MLLT3: variants seen among roughly 807,000 people sequenced by gnomAD.
MLLT3 encodes the protein MLLT3 super elongation complex subunit.
MLLT3 carries 4 observed loss-of-function variants against 53.2 expected under a neutral mutation model. That is an observed-to-expected ratio of 0.08 (90% confidence interval 0.04 to 0.17). MLLT3 has a LOEUF of 0.17. Ranked by LOEUF, MLLT3 falls within the 10% of genes least tolerant of loss-of-function variation. The pLI, the probability that MLLT3 is intolerant of heterozygous loss-of-function variation, is 1.00. For synonymous variants in MLLT3, 283 were observed against 230.6 expected (o/e 1.23, Z -2.06); for missense variants, 569 against 684.0 (o/e 0.83, Z 1.87).
chr9:20,516,107 G>C (rs1817909765), intron 2 of MLLT3, among the ~76,000 whole-genome samples: 1 of 152,188 alleles, frequency 6.6e-6, no homozygotes, highest in African/African-American at 2.4e-5. Context: ...CCAGGAGTCT[G>C]TGACTATGAA....
chr9:20,346,532 T>A lies in MLLT3; in HGVS notation c.1618A>T (p.Asn540Tyr). 6.2e-7 allele frequency: 1 copy of A among 1,613,808 alleles called. No homozygotes were observed. Among genetic ancestry groups the A allele is most frequent in the Non-Finnish European group, 8.5e-7 (1 of 1,179,772 alleles). Residue 540 changes from asparagine (N) to tyrosine (Y), a missense_variant, in exon 11 of 11, where the codon AAC (asparagine) becomes TAC (tyrosine). This residue lies in a region of MLLT3 where 45 missense variants were observed against 85.5 expected (regional missense o/e 0.53). Coordinates refer to ENST00000380338, the MANE Select transcript of MLLT3 (RefSeq NM_004529.4). ...IEETGHFHIT[N>Y]TTFDFDLCSL... Reference sequence around the variant, plus strand: ...CAAAGATCAAAATCAAATGTTGTGTTTGTGATATGAAAGTGTCCAGTTTCT... The same window carrying A: ...CAAAGATCAAAATCAAATGTTGTGTATGTGATATGAAAGTGTCCAGTTTCT...
chr9:20,551,529 T>G (rs1206392346), intron 2 of MLLT3, among the ~76,000 whole-genome samples: 1 of 152,194 alleles, frequency 6.6e-6, no homozygotes, highest in Non-Finnish European at 1.5e-5. Flanking sequence ...TTCTGATTGG[T>G]CATGAATGTA....
At chr9:20,588,696 T>C (rs952938060) in intron 2 of MLLT3, among the ~76,000 whole-genome samples, 1 of 152,192 alleles carries the variant, frequency 6.6e-6, no homozygotes, top group African/African-American at 2.4e-5. Context: ...TGATTTTGTA[T>C]CCTGAGACTT....
rs368013669 is a variant in MLLT3 at position 20,605,803 on chromosome 9, A to G, written c.193+14851T>C. ...AACATACTTTCTGATTATGAGTCCT[A>G]TATCATCATTTTATACCATCTTAAG... On this transcript the variant is annotated intron_variant, in intron 2 of 10. Transcript: ENST00000380338. Among the ~76,000 whole-genome samples, 4 of 152,240 alleles carry G rather than the reference A, an allele frequency of 2.6e-5. 1 individual carries two copies. The highest frequency in any genetic ancestry group is 7.2e-5 in the African/African-American group (3 of 41,574).
intron 2 of MLLT3, among the ~76,000 whole-genome samples, chr9:20,515,324 C>T (rs1456698976): frequency 6.6e-6 from 1 of 152,146 alleles, no homozygotes; most frequent in Non-Finnish European, 1.5e-5. Flanking sequence ...CCAGGGCATT[C>T]AGTGCTGAGG....
rs1820076892 is a variant in MLLT3 at position 20,589,698 on chromosome 9, T to C, written c.193+30956A>G. Among the ~76,000 whole-genome samples the C allele has an allele frequency of 1.3e-5, 2 of 149,468 alleles. 1 individual carries two copies. The highest frequency in any genetic ancestry group is 4.2e-4 in the South Asian group (2 of 4,710). On this transcript the variant is annotated intron_variant, in intron 2 of 10. Transcript: ENST00000380338. ...ATGATGGCAATAGTATCCCAGCCCA[T>C]GGTTTTAATCGGTGATTTTTTTTTT...
intron 5 of MLLT3, among the ~76,000 whole-genome samples, chr9:20,375,244 G>A (rs923947263): frequency 9.9e-5 from 15 of 152,262 alleles, no homozygotes; most frequent in African/African-American, 3.1e-4. Flanking sequence ...TTAAGTGACC[G>A]GGGGTAATAT....
At chr9:20,449,847 G>T (rs80283780) in intron 3 of MLLT3, among the ~76,000 whole-genome samples, 3,549 of 152,134 alleles carry the variant, frequency 0.023, 143 homozygotes, top group African/African-American at 0.08. Flanking sequence ...TCTTCTTCAA[G>T]GACTTTCTTC....
chr9:20,357,736 G>C (rs1316271027), intron 8 of MLLT3, among the ~76,000 whole-genome samples: 2 of 152,058 alleles, frequency 1.3e-5, no homozygotes, highest in Non-Finnish European at 2.9e-5. Context: ...CTAGTCCCTG[G>C]AAGATTTGAG....
At chr9:20,364,037 C>A (rs1370436332) in intron 6 of MLLT3, among the ~76,000 whole-genome samples, 1 of 152,176 alleles carries the variant, frequency 6.6e-6, no homozygotes, top group African/African-American at 2.4e-5. Context: ...TAAGGTTTAG[C>A]TGTTCCTTTT....
chr9:20,573,917 T>C (rs1819592378), intron 2 of MLLT3, among the ~76,000 whole-genome samples: 1 of 152,204 alleles, frequency 6.6e-6, no homozygotes, highest in Admixed American at 6.6e-5. Context: ...AAAATAAAAT[T>C]CTGTTGCATT....
intron 2 of MLLT3, among the ~76,000 whole-genome samples, chr9:20,582,812 C>G (rs903490248): frequency 1.3e-5 from 2 of 152,178 alleles, no homozygotes; most frequent in Non-Finnish European, 2.9e-5. Context: ...TTACTTCCCC[C>G]TGGGTCCCTC....
intron 2 of MLLT3, among the ~76,000 whole-genome samples, chr9:20,619,531 C>T (rs188311627): frequency 9.9e-5 from 15 of 152,268 alleles, no homozygotes; most frequent in African/African-American, 3.4e-4. Context: ...CTCTAAGAAA[C>T]GACAGGAGTT....
chr9:20,602,557 T>C (rs1820452968), intron 2 of MLLT3, among the ~76,000 whole-genome samples: 1 of 152,094 alleles, frequency 6.6e-6, no homozygotes, highest in Admixed American at 6.6e-5. Flanking sequence ...ACCTAACCCA[T>C]ATAGTACACG....
At chr9:20,415,290 T>A (rs1386940060) in intron 4 of MLLT3, 1 of 175,356 alleles carries the variant, frequency 5.7e-6, no homozygotes, top group Non-Finnish European at 1.1e-5. Flanking sequence ...CTTTAGCAAT[T>A]ACTGTATTTT....
Position 20,345,115 on chromosome 9 carries a change from T to A in MLLT3, c.*1328A>T. 1 of 222,456 alleles carries A rather than the reference T, an allele frequency of 4.5e-6. No homozygotes were observed. The highest frequency in any genetic ancestry group is 1.8e-4 in the South Asian group (1 of 5,418). The allele number at this position is 222,456 out of a possible 1,614,324, so 13.8% of individuals were successfully genotyped here. A position where few individuals can be genotyped will look rare whatever the true frequency, so the allele number is the denominator to read the frequency against. ...TTCTTTTGCATGCCACAGGACAGAT[T>A]TCTAGTTTCAAAACAAGGGTACAAC... On this transcript the variant is annotated 3_prime_UTR_variant, in exon 11 of 11. Coordinates refer to ENST00000380338, the MANE Select transcript of MLLT3 (RefSeq NM_004529.4).
chr9:20,421,021 T>C (rs1822995109), intron 4 of MLLT3, among the ~76,000 whole-genome samples: 1 of 152,146 alleles, frequency 6.6e-6, no homozygotes, highest in Non-Finnish European at 1.5e-5. Flanking sequence ...CCCAGCACTT[T>C]GGGAGGCTGA....
At chr9:20,406,960 C>T (rs905370374) in intron 5 of MLLT3, among the ~76,000 whole-genome samples, 1 of 152,186 alleles carries the variant, frequency 6.6e-6, no homozygotes, top group Non-Finnish European at 1.5e-5. Flanking sequence ...ACACTGCTTG[C>T]AAAGTTTACA....
At chr9:20,481,177 A>T (rs922761261) in intron 2 of MLLT3, among the ~76,000 whole-genome samples, 3 of 152,168 alleles carry the variant, frequency 2.0e-5, no homozygotes, top group Non-Finnish European at 2.9e-5. Context: ...TCCCTGATGA[A>T]TTGTCTCAGA....
Sources: allele counts gnomAD v4.1 joint callset (sites outside exome capture counted in the v4.1 genomes callset), GRCh38; gene constraint gnomAD v4.1.1; regional missense constraint gnomAD v4.1.1; transcripts MANE v1.5; gene names NCBI Gene and HGNC (gene_info 2026-07-23, HGNC 2026-07-21).